Variants in BRINP3 observed in about 807,000 individuals in gnomAD.
BRINP3 encodes the protein BMP/retinoic acid inducible neural specific 3.
A neutral mutation model predicts 71.0 loss-of-function variants in BRINP3; 19 were observed. The ratio of observed to expected loss-of-function variants is 0.27; its 90% CI spans 0.19 to 0.39. The LOEUF is 0.39. BRINP3 is among the 10% of genes least tolerant of loss of function. BRINP3 has a pLI of 1.00. For missense variants in BRINP3, 959 were observed against 940.8 expected (o/e 1.02, Z -0.25); for synonymous variants, 380 against 337.7 (o/e 1.13, Z -1.37).
At chr1:190,365,683 AT>A (rs1220138812) in intron 2 of BRINP3, among the ~76,000 whole-genome samples, 1 of 146,226 alleles carries the variant, frequency 6.8e-6, no homozygotes, top group African/African-American at 2.5e-5. Flanking sequence ...ATAATACAAT[AT>A]AATACACAAT....
chr1:190,145,783 T>C (rs1655833160), intron 7 of BRINP3, among the ~76,000 whole-genome samples: 1 of 152,084 alleles, frequency 6.6e-6, no homozygotes, highest in Non-Finnish European at 1.5e-5. Flanking sequence ...TAACTGCCCA[T>C]CAACCAAAGG....
Position 190,246,409 on chromosome 1 carries a change from T to A in BRINP3, c.619-11932A>T, listed in dbSNP as rs558894410. 3.3e-3 allele frequency among the ~76,000 whole-genome samples: 505 copies of A among 152,012 alleles called. 4 individuals are homozygous for A. The highest frequency in any genetic ancestry group is 0.011 in the African/African-American group (462 of 41,508). ...AATTTGCTCTGGGGTCATTCGGTTA[T>A]AAAACCCCAGGTCTATGAATTTTGG... On this transcript the variant is annotated intron_variant, in intron 4 of 7. Transcript: ENST00000367462.
At chr1:190,170,977 C>G (rs902152843) in intron 6 of BRINP3, among the ~76,000 whole-genome samples, 16 of 152,012 alleles carry the variant, frequency 1.1e-4, no homozygotes, top group African/African-American at 3.6e-4. Flanking sequence ...GTAAATTTTT[C>G]CAAGTGTGAT....
At chr1:190,270,354 T>C (rs557425289) in intron 3 of BRINP3, among the ~76,000 whole-genome samples, 4 of 151,330 alleles carry the variant, frequency 2.6e-5, no homozygotes, top group African/African-American at 9.6e-5. Context: ...TTTATAAAAA[T>C]AAAATTATAT....
At chr1:190,276,305 G>A (rs1165250771) in intron 3 of BRINP3, among the ~76,000 whole-genome samples, 1 of 151,476 alleles carries the variant, frequency 6.6e-6, no homozygotes, top group Non-Finnish European at 1.5e-5. Context: ...CAGACCAAGT[G>A]AAAATGAGAA....
At chr1:190,259,715 A>G (rs1023055890) in intron 4 of BRINP3, among the ~76,000 whole-genome samples, 3 of 152,022 alleles carry the variant, frequency 2.0e-5, no homozygotes, top group Non-Finnish European at 4.4e-5. Context: ...CTCTGTTTGC[A>G]GATAACATTA....
chr1:190,396,345 T>C (rs1304514322), intron 2 of BRINP3, among the ~76,000 whole-genome samples: 2 of 151,818 alleles, frequency 1.3e-5, no homozygotes, highest in African/African-American at 4.8e-5. Context: ...TACATATGTA[T>C]ACAAAGAAAG....
chr1:190,127,042 G>A (rs1044969469), intron 7 of BRINP3, among the ~76,000 whole-genome samples: 2 of 151,672 alleles, frequency 1.3e-5, no homozygotes, highest in Non-Finnish European at 2.9e-5. Flanking sequence ...TTAAGTGAAC[G>A]AATCATAGTT....
intron 2 of BRINP3, among the ~76,000 whole-genome samples, chr1:190,328,317 A>T (rs1038542461): frequency 1.3e-5 from 2 of 152,146 alleles, no homozygotes; most frequent in African/African-American, 4.8e-5. Flanking sequence ...AAGCTAGATT[A>T]GCAAAGAAAA....
rs141213837 is a variant in BRINP3, at chr1:190,370,611, C to T, written c.236+84044G>A. Among the ~76,000 whole-genome samples the T allele has an allele frequency of 9.9e-3, 1,506 of 152,234 alleles. 18 individuals are homozygous for T. Among genetic ancestry groups the T allele is most frequent in the Middle Eastern group, 0.061 (18 of 294 alleles). ...GTATTTAAAAATAACCAGACTTATGCGAAAAGTAGGTTAGAGGATATTTGG... is the reference window on the plus strand; with the variant it reads ...GTATTTAAAAATAACCAGACTTATGTGAAAAGTAGGTTAGAGGATATTTGG... On this transcript the variant is annotated intron_variant, in intron 2 of 7. Coordinates refer to ENST00000367462, the MANE Select transcript of BRINP3 (RefSeq NM_199051.3).
rs547916244 is a variant in BRINP3, at chr1:190,350,185, C to T, written c.237-68435G>A. 2.6e-5 allele frequency among the ~76,000 whole-genome samples: 4 copies of T among 152,150 alleles called. No individual in the cohort carries two copies. The East Asian group carries it at 5.8e-4, about 22-fold the overall frequency. ...GGATCATTGAAACACAAGGCTAAAG[C>T]AGACAAACAGATGAAATAACATGAA... On this transcript the variant is annotated intron_variant, in intron 2 of 7. Coordinates refer to ENST00000367462, the MANE Select transcript of BRINP3 (RefSeq NM_199051.3).
At chr1:190,246,695 T>G (rs749758863) in intron 4 of BRINP3, among the ~76,000 whole-genome samples, 2 of 151,836 alleles carry the variant, frequency 1.3e-5, no homozygotes, top group Non-Finnish European at 2.9e-5. Context: ...TGCCATGAAC[T>G]AAATGAAACC....
chr1:190,443,967 T>C (rs1675016812), intron 2 of BRINP3, among the ~76,000 whole-genome samples: 1 of 152,146 alleles, frequency 6.6e-6, no homozygotes, highest in Non-Finnish European at 1.5e-5. Context: ...GCAAGGTGGC[T>C]CCCGTCTATA....
intron 6 of BRINP3, among the ~76,000 whole-genome samples, chr1:190,174,784 AACAGC>A (rs60361799): frequency 0.12 from 18,704 of 152,070 alleles, 1,664 homozygotes; most frequent in South Asian, 0.25. Context: ...GTTCATATTT[AACAGC>A]TGTAGATCCT....
At chr1:190,141,751 G>T (rs976558958) in intron 7 of BRINP3, among the ~76,000 whole-genome samples, 3 of 151,290 alleles carry the variant, frequency 2.0e-5, no homozygotes, top group African/African-American at 7.3e-5. Context: ...GGAGAGACAG[G>T]ATTTCACCAT....
chr1:190,266,188 T>C (rs893480108), intron 3 of BRINP3, among the ~76,000 whole-genome samples: 1 of 152,220 alleles, frequency 6.6e-6, no homozygotes, highest in Non-Finnish European at 1.5e-5. Context: ...GGTAGTATTG[T>C]GCCCATTTAT....
intron 3 of BRINP3, among the ~76,000 whole-genome samples, chr1:190,276,164 G>A (rs1558135937): frequency 6.6e-6 from 1 of 151,452 alleles, no homozygotes; most frequent in Non-Finnish European, 1.5e-5. Context: ...TATATTCTGA[G>A]AGAAAGTAAT....
chr1:190,449,880 C>T (rs1321566752), intron 2 of BRINP3, among the ~76,000 whole-genome samples: 2 of 152,128 alleles, frequency 1.3e-5, no homozygotes, highest in Non-Finnish European at 2.9e-5. Context: ...TTCTGAAAGT[C>T]CTTGTTCCTT....
At chr1:190,340,783 A>G (rs779344746) in intron 2 of BRINP3, among the ~76,000 whole-genome samples, 12 of 151,646 alleles carry the variant, frequency 7.9e-5, no homozygotes, top group African/African-American at 2.2e-4. Context: ...ACACTTCTCA[A>G]TGCTAAGTAC....
Sources: gnomAD v4.1 joint callset for allele counts (sites outside exome capture counted in the v4.1 genomes callset) on GRCh38, gnomAD v4.1.1 for gene constraint, MANE v1.5 for transcripts, NCBI Gene and HGNC (gene_info 2026-07-23, HGNC 2026-07-21) for gene names.